TMTC1: variants seen among roughly 807,000 people sequenced by gnomAD.
TMTC1 encodes transmembrane O-mannosyltransferase targeting cadherins 1.
In TMTC1, 73 loss-of-function variants were observed where a neutral mutation model predicts 104.8. The ratio of observed to expected loss-of-function variants is 0.70; its 90% CI spans 0.58 to 0.85. TMTC1 has a LOEUF of 0.85. TMTC1 is among the 40% of genes least tolerant of loss of function. The probability of loss-of-function intolerance (pLI) is 0.00; values close to 1 mark genes in which losing one functional copy is unlikely to be tolerated. For missense variants in TMTC1, 1,035 were observed against 1,096.1 expected (o/e 0.94, Z 0.79); for synonymous variants, 434 against 428.7 (o/e 1.01, Z -0.15).
At chr12:29,621,089 A>C (rs960325011) in intron 6 of TMTC1, among the ~76,000 whole-genome samples, 5 of 152,238 alleles carry the variant, frequency 3.3e-5, no homozygotes, top group Non-Finnish European at 7.3e-5. Flanking sequence ...AAAAGAATAG[A>C]GAATGTGCTG....
chr12:29,775,811 T>C (rs979863935), intron 1 of TMTC1, among the ~76,000 whole-genome samples: 2 of 152,084 alleles, frequency 1.3e-5, no homozygotes, highest in Non-Finnish European at 2.9e-5. Flanking sequence ...TCTAATCATA[T>C]AATTGGTCTT....
chr12:29,748,995 G>A (rs1943023683), intron 5 of TMTC1, among the ~76,000 whole-genome samples: 1 of 152,092 alleles, frequency 6.6e-6, no homozygotes, highest in African/African-American at 2.4e-5. Flanking sequence ...GTAGAAACAT[G>A]GCATCATGGC....
intron 6 of TMTC1, among the ~76,000 whole-genome samples, chr12:29,616,831 C>A (rs1946993580): frequency 6.6e-6 from 1 of 152,054 alleles, no homozygotes; most frequent in Non-Finnish European, 1.5e-5. Flanking sequence ...AAATCCTAAG[C>A]ACAGGAAGGC....
chr12:29,578,060 C>T (rs1051992699), intron 8 of TMTC1, among the ~76,000 whole-genome samples: 1 of 151,986 alleles, frequency 6.6e-6, no homozygotes, highest in African/African-American at 2.4e-5. Flanking sequence ...ATCCTTTTCT[C>T]TGTGTGATTA....
intron 5 of TMTC1, among the ~76,000 whole-genome samples, chr12:29,732,572 T>G (rs1942572358): frequency 6.6e-6 from 1 of 152,188 alleles, no homozygotes; most frequent in Admixed American, 6.5e-5. Context: ...GATTTCCATA[T>G]CCACAAAATG....
At chr12:29,527,318 C>G (rs1565646966) in intron 11 of TMTC1, among the ~76,000 whole-genome samples, 1 of 152,284 alleles carries the variant, frequency 6.6e-6, no homozygotes, top group East Asian at 1.9e-4. Flanking sequence ...CATGCATGTG[C>G]CATGCATGTA....
chr12:29,742,835 C>A (rs1172448836), intron 5 of TMTC1, among the ~76,000 whole-genome samples: 1 of 152,134 alleles, frequency 6.6e-6, no homozygotes, highest in Non-Finnish European at 1.5e-5. Context: ...TTTCTCTTAT[C>A]ATCTATTTCC....
intron 5 of TMTC1, among the ~76,000 whole-genome samples, chr12:29,695,863 T>C (rs1941410361): frequency 1.4e-5 from 2 of 142,316 alleles, no homozygotes; most frequent in African/African-American, 5.0e-5. Context: ...GAAGGAGATT[T>C]TGTGATGGAT....
chr12:29,511,282 TCTC>T (rs368774907), intron 17 of TMTC1, among the ~76,000 whole-genome samples: 1 of 151,854 alleles, frequency 6.6e-6, no homozygotes, highest in Non-Finnish European at 1.5e-5. Flanking sequence ...TATTAATATA[TCTC>T]CTCCTCCTCC....
chr12:29,605,974 G>A (rs1347175568), intron 6 of TMTC1, among the ~76,000 whole-genome samples: 2 of 152,164 alleles, frequency 1.3e-5, no homozygotes, highest in South Asian at 4.1e-4. Context: ...TTGGTTTTCT[G>A]TTTCTGTGTT....
At chr12:29,646,297 TGTTA>T (rs1939265196) in intron 5 of TMTC1, among the ~76,000 whole-genome samples, 1 of 152,232 alleles carries the variant, frequency 6.6e-6, no homozygotes. Flanking sequence ...TGAAAATGTT[TGTTA>T]GAGCATCAAG....
intron 10 of TMTC1, among the ~76,000 whole-genome samples, chr12:29,553,131 T>C (rs992834147): frequency 6.6e-6 from 1 of 152,166 alleles, no homozygotes; most frequent in Non-Finnish European, 1.5e-5. Flanking sequence ...TCTAATATTA[T>C]GTAATGTTTG....
chr12:29,588,666 A>G (rs1288093091), intron 7 of TMTC1, among the ~76,000 whole-genome samples: 1 of 152,244 alleles, frequency 6.6e-6, no homozygotes, highest in African/African-American at 2.4e-5. Flanking sequence ...CAGGGCATGT[A>G]CATGGTGATA....
intron 1 of TMTC1, among the ~76,000 whole-genome samples, chr12:29,782,363 T>A (rs1943853565): frequency 6.6e-6 from 1 of 152,224 alleles, no homozygotes; most frequent in Admixed American, 6.5e-5. Flanking sequence ...GAGACACCTG[T>A]CAAGAGGCCT....
intron 5 of TMTC1, among the ~76,000 whole-genome samples, chr12:29,720,097 G>A (rs1033081661): frequency 3.9e-5 from 6 of 152,162 alleles, no homozygotes; most frequent in Admixed American, 2.6e-4. Context: ...ATTCTGAGGT[G>A]GCAGAACAGA....
chr12:29,625,825 G>A (rs1035674120), intron 6 of TMTC1, among the ~76,000 whole-genome samples: 1 of 152,154 alleles, frequency 6.6e-6, no homozygotes, highest in Non-Finnish European at 1.5e-5. Context: ...AATTAGCTGG[G>A]AGAAAGTCAA....
At chr12:29,646,299 T>C (rs932438378) in intron 5 of TMTC1, among the ~76,000 whole-genome samples, 8 of 152,204 alleles carry the variant, frequency 5.3e-5, no homozygotes, top group African/African-American at 1.9e-4. Flanking sequence ...AAAATGTTTG[T>C]TAGAGCATCA....
intron 6 of TMTC1, among the ~76,000 whole-genome samples, chr12:29,625,346 G>A (rs1184066648): frequency 2.6e-5 from 4 of 152,178 alleles, no homozygotes; most frequent in Non-Finnish European, 1.5e-5. Context: ...CTAACTAGTA[G>A]GAGAACCTGA....
At chr12:29,659,702 T>C (rs569194270) in intron 5 of TMTC1, among the ~76,000 whole-genome samples, 32 of 152,172 alleles carry the variant, frequency 2.1e-4, no homozygotes, top group Admixed American at 5.2e-4. Flanking sequence ...AATGAAACAA[T>C]AGCAATAATA....
Sources: allele counts gnomAD v4.1 joint callset (sites outside exome capture counted in the v4.1 genomes callset), GRCh38; gene constraint gnomAD v4.1.1; transcripts MANE v1.5; gene names NCBI Gene and HGNC (gene_info 2026-07-23, HGNC 2026-07-21).